Variants in DENND1B observed in about 807,000 individuals in gnomAD.
DENND1B encodes DENN domain containing 1B.
Under a neutral mutation model 90.1 loss-of-function variants are expected in DENND1B, and 59 were observed. The ratio of observed to expected loss-of-function variants is 0.65; its 90% CI spans 0.53 to 0.81. DENND1B has a LOEUF of 0.81. DENND1B is among the 40% of genes least tolerant of loss of function. The probability of loss-of-function intolerance (pLI) is 0.00; values close to 1 mark genes in which losing one functional copy is unlikely to be tolerated. For synonymous variants in DENND1B, 337 were observed against 324.6 expected (o/e 1.04, Z -0.41); for missense variants, 862 against 912.6 (o/e 0.94, Z 0.71).
At chr1:197,606,956 C>A in intron 13 of DENND1B, 117 bp downstream of exon 13, 3 of 703,434 alleles carry the variant, frequency 4.3e-6, no homozygotes, top group Non-Finnish European at 7.3e-6. Flanking sequence ...TCTCTCACAC[C>A]CCATGCAAAT....
intron 5 of DENND1B, among the ~76,000 whole-genome samples, chr1:197,664,771 A>G (rs934824547): frequency 6.6e-6 from 1 of 152,118 alleles, no homozygotes; most frequent in Non-Finnish European, 1.5e-5. Flanking sequence ...TTGACACAAA[A>G]TGTGTAAAAT....
At chr1:197,705,880 T>C (rs1165528180) in intron 3 of DENND1B, among the ~76,000 whole-genome samples, 1 of 152,120 alleles carries the variant, frequency 6.6e-6, no homozygotes, top group Non-Finnish European at 1.5e-5. Flanking sequence ...TTTATAAATC[T>C]AAAAAGCTAA....
At chr1:197,570,156 G>A (rs1398739758) in intron 15 of DENND1B, among the ~76,000 whole-genome samples, 1 of 151,478 alleles carries the variant, frequency 6.6e-6, no homozygotes, top group Admixed American at 6.6e-5. Context: ...CCACTAGGAG[G>A]CTGAGGTGAG....
chr1:197,696,914 T>C (rs1346250338), intron 3 of DENND1B, among the ~76,000 whole-genome samples: 2 of 136,854 alleles, frequency 1.5e-5, no homozygotes, highest in Admixed American at 1.5e-4. Context: ...AAAATGAAAA[T>C]ATAGTTAAAA....
intron 2 of DENND1B, among the ~76,000 whole-genome samples, chr1:197,750,570 C>CTATATAGA (rs1653338410): frequency 1.3e-5 from 2 of 149,118 alleles, no homozygotes; most frequent in Non-Finnish European, 3.0e-5. Flanking sequence ...AAAAGCAAAC[C>CTATATAGA]TAGATAGATA....
At chr1:197,740,243 T>C (rs1046339071) in intron 2 of DENND1B, among the ~76,000 whole-genome samples, 4 of 152,140 alleles carry the variant, frequency 2.6e-5, no homozygotes, top group African/African-American at 9.7e-5. Context: ...AGGAGCATGC[T>C]TGATGTTGTT....
At chr1:197,662,471 T>C (rs983661965) in intron 5 of DENND1B, among the ~76,000 whole-genome samples, 2 of 152,084 alleles carry the variant, frequency 1.3e-5, no homozygotes, top group African/African-American at 4.8e-5. Flanking sequence ...AATCTTGGGA[T>C]TAGAACCCTA....
upstream of DENND1B, among the ~76,000 whole-genome samples, chr1:197,777,435 T>C (rs12081207): frequency 0.47 from 71,270 of 151,990 alleles, 17,524 homozygotes; most frequent in East Asian, 0.67. Context: ...AATGAAGAGA[T>C]TTATCTGTTC....
intron 10 of DENND1B, among the ~76,000 whole-genome samples, chr1:197,631,797 C>T (rs1331539957): frequency 6.6e-6 from 1 of 151,800 alleles, no homozygotes; most frequent in Non-Finnish European, 1.5e-5. Flanking sequence ...GTATATTTAG[C>T]ATGCATATCA....
chr1:197,550,142 TA>T (rs1450710195), intron 16 of DENND1B, among the ~76,000 whole-genome samples: 2 of 152,182 alleles, frequency 1.3e-5, no homozygotes, highest in Admixed American at 1.3e-4. Context: ...TAGTTAATGT[TA>T]ATTTCTGCCA....
At chr1:197,719,233 T>A (rs1292793599) in intron 2 of DENND1B, among the ~76,000 whole-genome samples, 4 of 152,100 alleles carry the variant, frequency 2.6e-5, no homozygotes, top group South Asian at 4.1e-4. Context: ...GACAGAAAGC[T>A]TAAGCTAGAG....
At chr1:197,519,422 G>C (rs940215809) in intron 20 of DENND1B, among the ~76,000 whole-genome samples, 3 of 151,824 alleles carry the variant, frequency 2.0e-5, no homozygotes. Flanking sequence ...GCACAGAAGG[G>C]TATTATATTC....
chr1:197,569,592 ACAC>A lies in DENND1B; in HGVS notation c.1149+13557_1149+13559del, dbSNP rs548316944. Among the ~76,000 whole-genome samples, 158 of 126,608 alleles carry A rather than the reference ACAC, an allele frequency of 1.2e-3. 1 individual carries two copies. The highest frequency in any genetic ancestry group is 4.3e-3 in the African/African-American group (149 of 34,766). 83.1% of individuals were successfully genotyped at this position (126,608 alleles called of 152,430 possible). On this transcript the variant is annotated intron_variant, in intron 15 of 22. Coordinates refer to ENST00000620048, the MANE Select transcript of DENND1B (RefSeq NM_001195215.2). ...CACACACACACACACACACACACACACACAATGGAACACTATTAACCCTTTATA... is the reference window on the plus strand; with the variant it reads ...CACACACACACACACACACACACACAAATGGAACACTATTAACCCTTTATA...
intron 20 of DENND1B, among the ~76,000 whole-genome samples, chr1:197,516,182 ATGTT>A (rs1244018220): frequency 1.3e-5 from 2 of 151,822 alleles, no homozygotes; most frequent in Non-Finnish European, 2.9e-5. Flanking sequence ...ACTGATTAAT[ATGTT>A]GTTTTCCTTT....
chr1:197,697,307 T>C (rs771384290), intron 3 of DENND1B, among the ~76,000 whole-genome samples: 1 of 151,636 alleles, frequency 6.6e-6, no homozygotes, highest in Admixed American at 6.6e-5. Flanking sequence ...CAAACTCATG[T>C]CTATATTACC....
intron 10 of DENND1B, among the ~76,000 whole-genome samples, chr1:197,619,297 G>C (rs1677934946): frequency 6.6e-6 from 1 of 151,078 alleles, no homozygotes; most frequent in African/African-American, 2.4e-5. Context: ...TGCAGCTAGA[G>C]GGAAATGAAA....
intron 2 of DENND1B, among the ~76,000 whole-genome samples, chr1:197,767,921 C>A (rs1217178329): frequency 6.6e-6 from 1 of 152,156 alleles, no homozygotes; most frequent in Non-Finnish European, 1.5e-5. Context: ...CAATGGGAGG[C>A]AACACAGCAG....
At chr1:197,520,876 C>T (rs1668725581) in intron 20 of DENND1B, among the ~76,000 whole-genome samples, 1 of 151,838 alleles carries the variant, frequency 6.6e-6, no homozygotes, top group Non-Finnish European at 1.5e-5. Context: ...GTCAAGTACA[C>T]ATCTAATATA....
intron 7 of DENND1B, among the ~76,000 whole-genome samples, chr1:197,647,482 A>G (rs1680829368): frequency 6.6e-6 from 1 of 152,194 alleles, no homozygotes; most frequent in African/African-American, 2.4e-5. Flanking sequence ...ATCTTACATC[A>G]TAAAACTAAA....
Sources: gnomAD v4.1 joint callset for allele counts (sites outside exome capture counted in the v4.1 genomes callset) on GRCh38, gnomAD v4.1.1 for gene constraint, MANE v1.5 for transcripts, NCBI Gene and HGNC (gene_info 2026-07-23, HGNC 2026-07-21) for gene names.